Variants in GABBR2 observed in about 807,000 individuals in gnomAD.
GABBR2 encodes the protein G-protein coupled receptor 51.
A neutral mutation model predicts 105.6 loss-of-function variants in GABBR2; 23 were observed. The ratio of observed to expected loss-of-function variants is 0.22; its 90% CI spans 0.16 to 0.31. The LOEUF is 0.31. Ranked by LOEUF, GABBR2 falls within the 10% of genes least tolerant of loss-of-function variation. GABBR2 has a pLI of 1.00. For synonymous variants in GABBR2, 478 were observed against 499.7 expected (o/e 0.96, Z 0.58); for missense variants, 734 against 1,245.5 (o/e 0.59, Z 6.18).
At chr9:98,535,152 C>G (rs1828148641) in intron 3 of GABBR2, among the ~76,000 whole-genome samples, 1 of 152,136 alleles carries the variant, frequency 6.6e-6, no homozygotes, top group Admixed American at 6.5e-5. Context: ...GGCTGAAGGA[C>G]AGTAGTGCCA....
chr9:98,607,728 T>C (rs1188394806), intron 1 of GABBR2: 4 of 770,530 alleles, frequency 5.2e-6, no homozygotes, highest in South Asian at 4.2e-5. Context: ...AGGTTACTAA[T>C]AATGTCCACT....
intron 7 of GABBR2, among the ~76,000 whole-genome samples, chr9:98,428,717 T>A (rs1825743485): frequency 6.6e-6 from 1 of 152,330 alleles, no homozygotes; most frequent in South Asian, 2.1e-4. Flanking sequence ...CAATCAAAAC[T>A]AACGGGACTA....
At chr9:98,544,683 C>A (rs1334681418) in intron 2 of GABBR2, among the ~76,000 whole-genome samples, 1 of 152,170 alleles carries the variant, frequency 6.6e-6, no homozygotes, top group Non-Finnish European at 1.5e-5. Flanking sequence ...AACAGAAGGG[C>A]TTCAAAGTGT....
chr9:98,666,281 T>C (rs1477128509), intron 1 of GABBR2, among the ~76,000 whole-genome samples: 1 of 152,144 alleles, frequency 6.6e-6, no homozygotes, highest in Non-Finnish European at 1.5e-5. Flanking sequence ...CATTACATGG[T>C]GCTGTGGCCC....
chr9:98,533,989 G>A (rs939094139), intron 3 of GABBR2, among the ~76,000 whole-genome samples: 2 of 152,200 alleles, frequency 1.3e-5, no homozygotes, highest in African/African-American at 4.8e-5. Flanking sequence ...TTAGATGCAA[G>A]CCCAGGGTCT....
In GABBR2 at chr9:98,475,734, T is replaced by G. The variant is rs535406898; in HGVS notation, c.799-2388A>C. ...AAGTTTTCTCAATCTTATAAGGTTG[T>G]GGCAAGGAGACAGCTCCACTTATGA... On this transcript the variant is annotated intron_variant, in intron 5 of 18. Transcript: ENST00000259455. Among the ~76,000 whole-genome samples, 295 of 152,272 alleles carry G rather than the reference T, an allele frequency of 1.9e-3. 2 individuals are homozygous for G. Among genetic ancestry groups the G allele is most frequent in the African/African-American group, 6.5e-3 (271 of 41,568 alleles).
intron 2 of GABBR2, among the ~76,000 whole-genome samples, chr9:98,568,774 C>G (rs1825444819): frequency 6.6e-6 from 1 of 152,206 alleles, no homozygotes; most frequent in Non-Finnish European, 1.5e-5. Flanking sequence ...GTCCTGAAAA[C>G]CCTTCTGTGG....
intron 1 of GABBR2, among the ~76,000 whole-genome samples, chr9:98,660,660 G>T (rs1588272834): frequency 6.6e-6 from 1 of 152,168 alleles, no homozygotes; most frequent in East Asian, 1.9e-4. Context: ...GTCTTACAGG[G>T]CTAAAGTCAA....
chr9:98,363,808 G>A (rs539261724), intron 12 of GABBR2, among the ~76,000 whole-genome samples: 165 of 152,240 alleles, frequency 1.1e-3, no homozygotes, highest in African/African-American at 3.6e-3. Context: ...CCCACTTTAC[G>A]TCTGTTTGAT....
At chr9:98,480,812 C>T (rs975686432) in intron 5 of GABBR2, 120 bp downstream of exon 5, 5 of 705,262 alleles carry the variant, frequency 7.1e-6, no homozygotes, top group African/African-American at 7.0e-5. Context: ...TCTTCTGCTT[C>T]CAGGAACCCA....
At chr9:98,575,959 C>T (rs916978099) in intron 2 of GABBR2, among the ~76,000 whole-genome samples, 2 of 152,194 alleles carry the variant, frequency 1.3e-5, no homozygotes, top group African/African-American at 4.8e-5. Flanking sequence ...AGCTGTCCAA[C>T]GCCCTCTCCT....
chr9:98,526,308 AC>A (rs1353190511), intron 3 of GABBR2, among the ~76,000 whole-genome samples: 1 of 152,002 alleles, frequency 6.6e-6, no homozygotes, highest in Non-Finnish European at 1.5e-5. Flanking sequence ...TCCCACACCC[AC>A]CCTGTTCCAG....
intron 2 of GABBR2, among the ~76,000 whole-genome samples, chr9:98,576,053 C>A (rs1354932986): frequency 6.6e-6 from 1 of 152,202 alleles, no homozygotes; most frequent in Non-Finnish European, 1.5e-5. Context: ...GGCCCTCGCC[C>A]GGGCCCCACC....
At chr9:98,447,063 C>CTTTTTTTTTTTTTTTTTTTTTTTTTTT (rs369338702) in intron 7 of GABBR2, among the ~76,000 whole-genome samples, 1 of 116,336 alleles carries the variant, frequency 8.6e-6, no homozygotes, top group Admixed American at 9.0e-5. Flanking sequence ...AAAAAGACTT[C>CTTTTTTTTTTTTTTTTTTTTTTTTTTT]TTTTTTTTTT....
chr9:98,399,097 T>C (rs951375833), intron 8 of GABBR2, among the ~76,000 whole-genome samples: 20 of 152,140 alleles, frequency 1.3e-4, no homozygotes, highest in African/African-American at 4.8e-4. Context: ...GGCTCATGCC[T>C]GTAATCCCAG....
intron 1 of GABBR2, among the ~76,000 whole-genome samples, chr9:98,694,411 T>A (rs1249544355): frequency 6.6e-6 from 1 of 152,236 alleles, no homozygotes; most frequent in Non-Finnish European, 1.5e-5. Flanking sequence ...TTGAAGACAT[T>A]TGACAGTTGA....
At chr9:98,342,655 C>T (rs1244972185) in intron 13 of GABBR2, among the ~76,000 whole-genome samples, 2 of 152,154 alleles carry the variant, frequency 1.3e-5, no homozygotes, top group Non-Finnish European at 2.9e-5. Context: ...TCCAGGGCAC[C>T]ATGGATAACT....
At chr9:98,688,140 A>C (rs1053364434) in intron 1 of GABBR2, among the ~76,000 whole-genome samples, 1 of 147,784 alleles carries the variant, frequency 6.8e-6, no homozygotes, top group Non-Finnish European at 1.5e-5. Context: ...ACTCCCTCTA[A>C]GGCTCATTGA....
rs552420844 is a variant in GABBR2 at position 98,288,476 on chromosome 9, C to G, written c.*2108G>C. ...AAGGGTTACAGACGCACAGGCTCAC[C>G]TCCGACAGTCCAATACTTTTGTTTG... On this transcript the variant is annotated 3_prime_UTR_variant, in exon 19 of 19. Transcript: ENST00000259455. 1 of 152,752 alleles carries G rather than the reference C, an allele frequency of 6.5e-6. No homozygotes were observed. Among genetic ancestry groups the G allele is most frequent in the South Asian group, 2.1e-4 (1 of 4,830 alleles). 9.5% of individuals were successfully genotyped at this position (152,752 alleles called of 1,614,324 possible).
Sources: allele counts gnomAD v4.1 joint callset (sites outside exome capture counted in the v4.1 genomes callset), GRCh38; gene constraint gnomAD v4.1.1; transcripts MANE v1.5; gene names NCBI Gene and HGNC (gene_info 2026-07-23, HGNC 2026-07-21).